The following ARHGAP24 variants were observed in gnomAD, a reference collection of about 807,000 sequenced individuals.
ARHGAP24 encodes the protein Rho GTPase activating protein 24, also known as rho GTPase-activating protein 24.
ARHGAP24 carries 50 observed loss-of-function variants against 76.4 expected under a neutral mutation model. That is an observed-to-expected ratio of 0.65 (90% confidence interval 0.52 to 0.83). The LOEUF is 0.83. Ranked by LOEUF, ARHGAP24 falls within the 40% of genes least tolerant of loss-of-function variation. ARHGAP24 has a pLI of 0.00. For synonymous variants in ARHGAP24, 345 were observed against 323.3 expected, an observed-to-expected ratio of 1.07 and a Z score of -0.72; for missense variants, 930 against 914.2, an observed-to-expected ratio of 1.02 and a Z score of -0.22.
chr4:85,949,775 T>C (rs367952100), intron 5 of ARHGAP24, among the ~76,000 whole-genome samples: 8 of 152,182 alleles, frequency 5.3e-5, no homozygotes. Flanking sequence ...AGTAATGTTA[T>C]AGATATATAA....
intron 4 of ARHGAP24, among the ~76,000 whole-genome samples, chr4:85,925,850 G>A (rs1218453918): frequency 2.0e-5 from 3 of 152,090 alleles, no homozygotes; most frequent in African/African-American, 7.2e-5. Flanking sequence ...GGTTTGTGGG[G>A]AGCCTGAGGA....
intron 1 of ARHGAP24, among the ~76,000 whole-genome samples, chr4:85,537,205 A>G (rs1362582909): frequency 6.6e-6 from 1 of 152,152 alleles, no homozygotes; most frequent in Non-Finnish European, 1.5e-5. Context: ...TGGGCTGTAC[A>G]CGAAGGAATT....
At chr4:85,897,612 C>G (rs189367804) in intron 3 of ARHGAP24, among the ~76,000 whole-genome samples, 49 of 152,308 alleles carry the variant, frequency 3.2e-4, no homozygotes, top group African/African-American at 1.1e-3. Flanking sequence ...GCCAGCTGAA[C>G]GCTGAAGCCA....
chr4:85,897,194 G>T (rs1019254592), intron 3 of ARHGAP24, among the ~76,000 whole-genome samples: 1 of 149,106 alleles, frequency 6.7e-6, no homozygotes, highest in African/African-American at 2.6e-5. Flanking sequence ...TCCCAGCCTG[G>T]CCCTGCTCTT....
rs60294839 is a variant in ARHGAP24, at chr4:85,683,960, G to GTA, written c.181-37914_181-37913dup. On this transcript the variant is annotated intron_variant, in intron 2 of 9. Transcript: ENST00000395184. ...CTTTAAGGCTGAATGATATTCCATT[G>GTA]TATATATATATACTGCATTTTCTCA... 9.9e-3 allele frequency among the ~76,000 whole-genome samples: 1,505 copies of GTA among 151,974 alleles called. 23 individuals are homozygous for GTA. The highest frequency in any genetic ancestry group is 0.033 in the African/African-American group (1,384 of 41,458).
chr4:85,754,566 T>C (rs1163739047), intron 3 of ARHGAP24, among the ~76,000 whole-genome samples: 1 of 152,190 alleles, frequency 6.6e-6, no homozygotes, highest in Non-Finnish European at 1.5e-5. Flanking sequence ...GAGATAAAGA[T>C]ACATACGACA....
At chr4:85,846,235 C>T (rs575670450) in intron 3 of ARHGAP24, among the ~76,000 whole-genome samples, 69 of 152,232 alleles carry the variant, frequency 4.5e-4, no homozygotes, top group African/African-American at 1.6e-3. Flanking sequence ...AATCTTTCCA[C>T]CTATTATGTT....
intron 3 of ARHGAP24, among the ~76,000 whole-genome samples, chr4:85,748,612 A>C (rs1395811570): frequency 6.6e-6 from 1 of 152,236 alleles, no homozygotes; most frequent in Non-Finnish European, 1.5e-5. Flanking sequence ...GATATATGAG[A>C]GACACAGTAA....
intron 3 of ARHGAP24, among the ~76,000 whole-genome samples, chr4:85,797,006 C>G (rs1728369204): frequency 6.6e-6 from 1 of 152,146 alleles, no homozygotes; most frequent in South Asian, 2.1e-4. Flanking sequence ...GGGCTGGGTG[C>G]TGGAGAAGCT....
chr4:85,987,642 T>C (rs1322682194), intron 8 of ARHGAP24, among the ~76,000 whole-genome samples: 1 of 152,044 alleles, frequency 6.6e-6, no homozygotes, highest in African/African-American at 2.4e-5. Flanking sequence ...ATAGAATTTC[T>C]AAGGATGAAA....
intron 3 of ARHGAP24, among the ~76,000 whole-genome samples, chr4:85,795,938 A>G (rs1230035560): frequency 6.6e-6 from 1 of 152,160 alleles, no homozygotes; most frequent in Non-Finnish European, 1.5e-5. Flanking sequence ...TCTCTGGATC[A>G]ATATAGGTGC....
At chr4:85,677,689 T>G (rs1475209955) in intron 2 of ARHGAP24, among the ~76,000 whole-genome samples, 4 of 152,196 alleles carry the variant, frequency 2.6e-5, no homozygotes, top group African/African-American at 9.7e-5. Context: ...CCTAGTCTGT[T>G]TAGGTCAGAG....
intron 2 of ARHGAP24, among the ~76,000 whole-genome samples, chr4:85,594,782 G>A (rs1728249965): frequency 6.6e-6 from 1 of 151,894 alleles, no homozygotes; most frequent in Non-Finnish European, 1.5e-5. Context: ...ATTCACCAAT[G>A]TCTTTAAATT....
chr4:85,617,802 GCCACTGGCAATGTATAAGAGT>G (rs926111260), intron 2 of ARHGAP24, among the ~76,000 whole-genome samples: 77 of 152,158 alleles, frequency 5.1e-4, no homozygotes, highest in African/African-American at 1.6e-3. Flanking sequence ...AATTTACATT[GCCACTGGCAATGTATAAGAGT>G]ATCTTTTTTG....
At chr4:85,717,088 G>A (rs1466737976) in intron 2 of ARHGAP24, among the ~76,000 whole-genome samples, 5 of 152,038 alleles carry the variant, frequency 3.3e-5, no homozygotes, top group East Asian at 1.9e-4. Context: ...AATATCTATC[G>A]TATTTACTAA....
At chr4:85,693,298 T>C (rs1723740367) in intron 2 of ARHGAP24, among the ~76,000 whole-genome samples, 1 of 152,128 alleles carries the variant, frequency 6.6e-6, no homozygotes, top group Non-Finnish European at 1.5e-5. Flanking sequence ...ATTTCTTTTG[T>C]TAGGTGTTCT....
intron 1 of ARHGAP24, among the ~76,000 whole-genome samples, chr4:85,547,967 GTC>G (rs1725984299): frequency 6.6e-6 from 1 of 152,020 alleles, no homozygotes; most frequent in South Asian, 2.1e-4. Flanking sequence ...GCTTTCCCAT[GTC>G]TCTCATTTAT....
At chr4:85,569,673 A>G (rs1726997423) in intron 1 of ARHGAP24, among the ~76,000 whole-genome samples, 1 of 152,220 alleles carries the variant, frequency 6.6e-6, no homozygotes, top group African/African-American at 2.4e-5. Flanking sequence ...AGAAAAAACT[A>G]GCAAAAGCAG....
chr4:85,874,866 T>TTTTATATAATTTATATAAAATATA (rs1732756400), intron 3 of ARHGAP24, among the ~76,000 whole-genome samples: 1 of 48,800 alleles, frequency 2.0e-5, no homozygotes, highest in Non-Finnish European at 4.8e-5. Flanking sequence ...TATAAATATA[T>TTTTATATAATTTATATAAAATATA]TTTTATATAA....
Sources: gnomAD v4.1 joint callset for allele counts (sites outside exome capture counted in the v4.1 genomes callset) on GRCh38, gnomAD v4.1.1 for gene constraint, MANE v1.5 for transcripts, NCBI Gene and HGNC (gene_info 2026-07-23, HGNC 2026-07-21) for gene names.